The following KCNIP4 variants were observed in gnomAD, a reference collection of about 807,000 sequenced individuals.
KCNIP4 encodes the protein Kv channel-interacting protein 4.
A neutral mutation model predicts 34.0 loss-of-function variants in KCNIP4; 12 were observed. The ratio of observed to expected loss-of-function variants is 0.35; its 90% CI spans 0.23 to 0.57. KCNIP4 has a LOEUF of 0.57. KCNIP4 is among the 20% of genes least tolerant of loss of function. KCNIP4 has a pLI of 0.83. For synonymous variants in KCNIP4, 124 were observed against 102.2 expected (o/e 1.21, Z -1.29); for missense variants, 238 against 311.7 (o/e 0.76, Z 1.78).
intron 1 of KCNIP4, among the ~76,000 whole-genome samples, chr4:21,109,388 T>C (rs149851864): frequency 4.2e-5 from 5 of 120,410 alleles, no homozygotes; most frequent in Non-Finnish European, 9.5e-5. Flanking sequence ...ACTCCTTGGG[T>C]GTAGGACCCT....
At chr4:21,608,273 C>T (rs1743872843) in intron 1 of KCNIP4, among the ~76,000 whole-genome samples, 2 of 152,288 alleles carry the variant, frequency 1.3e-5, no homozygotes, top group East Asian at 1.9e-4. Flanking sequence ...TATTTAGAAT[C>T]TCACAAGCCT....
At chr4:21,717,768 T>C (rs1308522040) in intron 1 of KCNIP4, among the ~76,000 whole-genome samples, 2 of 152,204 alleles carry the variant, frequency 1.3e-5, no homozygotes, top group Non-Finnish European at 2.9e-5. Flanking sequence ...ATCACTGTCA[T>C]TTTCATTGGC....
intron 1 of KCNIP4, among the ~76,000 whole-genome samples, chr4:21,252,601 T>C (rs1359519916): frequency 6.6e-6 from 1 of 152,044 alleles, no homozygotes; most frequent in Non-Finnish European, 1.5e-5. Context: ...AACACCCCTG[T>C]GTGATGTCCA....
intron 1 of KCNIP4, among the ~76,000 whole-genome samples, chr4:21,652,036 C>T (rs947625974): frequency 6.6e-6 from 1 of 152,064 alleles, no homozygotes; most frequent in Non-Finnish European, 1.5e-5. Flanking sequence ...AGCCCTAACA[C>T]CGACATTGCG....
chr4:21,154,609 T>C (rs957155246), intron 1 of KCNIP4, among the ~76,000 whole-genome samples: 3 of 152,236 alleles, frequency 2.0e-5, no homozygotes, highest in African/African-American at 4.8e-5. Flanking sequence ...CATCTTTGTT[T>C]ATAATAAACC....
chr4:20,750,497 T>C lies in KCNIP4; in HGVS notation c.359-765A>G, dbSNP rs75402524. 2.9e-3 allele frequency among the ~76,000 whole-genome samples: 436 copies of C among 152,292 alleles called. 1 individual carries two copies. Among genetic ancestry groups the C allele is most frequent in the African/African-American group, 0.01 (421 of 41,560 alleles). ...TGGGATTCAAGGATCTGGGTAATGA[T>C]GGACAGGTATGTCTTCTGAAGTCTA... On this transcript the variant is annotated intron_variant, in intron 4 of 8. Coordinates refer to ENST00000382152, the MANE Select transcript of KCNIP4 (RefSeq NM_025221.6).
At position 20,877,122 on chromosome 4, in the gene KCNIP4, G is replaced by A. The variant is rs563499876; in HGVS notation, c.163+5486C>T. 5.3e-5 allele frequency among the ~76,000 whole-genome samples: 8 copies of A among 152,314 alleles called. No individual in the cohort carries two copies. The South Asian group carries it at 1.7e-3, about 32-fold the overall frequency. On this transcript the variant is annotated intron_variant, in intron 2 of 8. Transcript: ENST00000382152. ...GGTTTCCCATTGGGTTTGGCCACGG[G>A]TGAAGAGGAAAAGGGAGAGGTTGTG...
At chr4:21,815,629 G>GA (rs879552768) in intron 1 of KCNIP4, among the ~76,000 whole-genome samples, 3 of 151,958 alleles carry the variant, frequency 2.0e-5, no homozygotes, top group Admixed American at 6.6e-5. Context: ...TACCAAGACA[G>GA]AAAAAAAATT....
In KCNIP4 at chr4:21,816,039, G is replaced by T. The variant is rs1055387026; in HGVS notation, c.61+132532C>A. Among the ~76,000 whole-genome samples the T allele has an allele frequency of 1.3e-5, 2 of 152,156 alleles. 1 individual carries two copies. Among genetic ancestry groups the T allele is most frequent in the South Asian group, 4.1e-4 (2 of 4,828 alleles). ...CACAGGCAGGTCCTTTGGGATGGTTGTAATGTTTCTACTATCAAAGCTGTT... is the reference window on the plus strand; with the variant it reads ...CACAGGCAGGTCCTTTGGGATGGTTTTAATGTTTCTACTATCAAAGCTGTT... On this transcript the variant is annotated intron_variant, in intron 1 of 8. Coordinates refer to ENST00000382152, the MANE Select transcript of KCNIP4 (RefSeq NM_025221.6).
intron 3 of KCNIP4, among the ~76,000 whole-genome samples, chr4:20,797,985 G>A (rs1353273887): frequency 6.6e-6 from 1 of 152,192 alleles, no homozygotes; most frequent in African/African-American, 2.4e-5. Context: ...TAGCCTCTAA[G>A]TTGGTGATAA....
At chr4:21,668,409 T>C (rs1334805272) in intron 1 of KCNIP4, among the ~76,000 whole-genome samples, 1 of 152,186 alleles carries the variant, frequency 6.6e-6, no homozygotes, top group African/African-American at 2.4e-5. Flanking sequence ...CATGTCATCA[T>C]TTACTAAGCA....
intron 1 of KCNIP4, among the ~76,000 whole-genome samples, chr4:21,796,767 T>A (rs1399722576): frequency 2.0e-5 from 3 of 152,240 alleles, no homozygotes. Context: ...AGGATGTGAC[T>A]ATGAAACTGA....
At chr4:21,919,071 G>A (rs1319578824) in intron 1 of KCNIP4, among the ~76,000 whole-genome samples, 1 of 152,158 alleles carries the variant, frequency 6.6e-6, no homozygotes, top group Non-Finnish European at 1.5e-5. Context: ...CCAGAAAGCA[G>A]ACAACCTAGG....
intron 1 of KCNIP4, among the ~76,000 whole-genome samples, chr4:21,896,234 T>G (rs1050624820): frequency 4.6e-5 from 7 of 152,164 alleles, no homozygotes; most frequent in Non-Finnish European, 1.0e-4. Flanking sequence ...CACCACTCTC[T>G]TAGAATGTAC....
intron 1 of KCNIP4, among the ~76,000 whole-genome samples, chr4:21,238,899 C>G (rs1331262831): frequency 6.6e-6 from 1 of 152,102 alleles, no homozygotes; most frequent in East Asian, 1.9e-4. Flanking sequence ...GGAACCAAAA[C>G]AGAGCCCACA....
At chr4:21,239,287 G>T (rs1759614591) in intron 1 of KCNIP4, among the ~76,000 whole-genome samples, 1 of 145,704 alleles carries the variant, frequency 6.9e-6, no homozygotes, top group African/African-American at 2.5e-5. Context: ...AGAAAACCTA[G>T]GCAATACCAT....
At chr4:20,833,328 T>C (rs1718649228) in intron 3 of KCNIP4, among the ~76,000 whole-genome samples, 1 of 152,054 alleles carries the variant, frequency 6.6e-6, no homozygotes, top group East Asian at 1.9e-4. Flanking sequence ...CTACTAAAAA[T>C]ACAAAAATCA....
chr4:21,918,802 A>T (rs1728783382), intron 1 of KCNIP4, among the ~76,000 whole-genome samples: 2 of 152,186 alleles, frequency 1.3e-5, no homozygotes, highest in South Asian at 4.1e-4. Context: ...ATGGGCAAAA[A>T]AATAGACTGG....
At chr4:21,102,302 A>G (rs2109072187) in intron 1 of KCNIP4, among the ~76,000 whole-genome samples, 1 of 152,358 alleles carries the variant, frequency 6.6e-6, no homozygotes, top group Non-Finnish European at 1.5e-5. Flanking sequence ...TTTGTCCAAT[A>G]GAAGAATGAA....
Sources: allele counts gnomAD v4.1 joint callset (sites outside exome capture counted in the v4.1 genomes callset), GRCh38; gene constraint gnomAD v4.1.1; transcripts MANE v1.5; gene names NCBI Gene and HGNC (gene_info 2026-07-23, HGNC 2026-07-21).